DPYD: variants seen among roughly 807,000 people sequenced by gnomAD.
The protein encoded by DPYD is dihydropyrimidine dehydrogenase [NADP(+)].
Under a neutral mutation model 116.2 loss-of-function variants are expected in DPYD, and 109 were observed. The observed-to-expected ratio is 0.94, with a 90% CI of 0.80 to 1.10. The LOEUF (loss-of-function observed/expected upper bound fraction) is 1.10. Ranked by LOEUF, DPYD falls within the 50% of genes least tolerant of loss-of-function variation. The pLI is 0.00. For missense variants in DPYD, 1,302 were observed against 1,254.5 expected, an observed-to-expected ratio of 1.04 and a Z score of -0.57; for synonymous variants, 440 against 432.0, an observed-to-expected ratio of 1.02 and a Z score of -0.23.
chr1:97,851,775 T>G (rs1402976032), intron 2 of DPYD, among the ~76,000 whole-genome samples: 2 of 151,494 alleles, frequency 1.3e-5, no homozygotes, highest in East Asian at 3.9e-4. Flanking sequence ...TTCTATCAAT[T>G]ATAATGCACT....
At chr1:97,594,746 C>G (rs200003721) in intron 9 of DPYD, among the ~76,000 whole-genome samples, 2 of 151,842 alleles carry the variant, frequency 1.3e-5, no homozygotes, top group Non-Finnish European at 2.9e-5. Context: ...ACGATTCATG[C>G]CATTTCTTTG....
intron 18 of DPYD, among the ~76,000 whole-genome samples, chr1:97,250,043 G>T (rs1008248192): frequency 6.6e-6 from 1 of 152,090 alleles, no homozygotes; most frequent in African/African-American, 2.4e-5. Context: ...AGGCCAAGGC[G>T]GGCGGATCAC....
intron 3 of DPYD, among the ~76,000 whole-genome samples, chr1:97,768,638 T>C (rs778314839): frequency 3.7e-4 from 56 of 152,192 alleles, no homozygotes; most frequent in Admixed American, 3.9e-4. Flanking sequence ...AATTCAATTA[T>C]AAAAGCTAAA....
intron 14 of DPYD, among the ~76,000 whole-genome samples, chr1:97,387,039 C>T (rs1403424561): frequency 1.3e-5 from 2 of 151,798 alleles, no homozygotes; most frequent in East Asian, 3.9e-4. Flanking sequence ...AAATAAATAC[C>T]CAATGAAATA....
At chr1:97,229,054 A>G (rs1417848138) in intron 19 of DPYD, among the ~76,000 whole-genome samples, 1 of 151,822 alleles carries the variant, frequency 6.6e-6, no homozygotes, top group Non-Finnish European at 1.5e-5. Flanking sequence ...ACACAAAAAA[A>G]TTAGCCGGGC....
intron 16 of DPYD, among the ~76,000 whole-genome samples, chr1:97,343,518 T>C (rs1669688805): frequency 6.6e-6 from 1 of 152,124 alleles, no homozygotes; most frequent in African/African-American, 2.4e-5. Flanking sequence ...AATATACTTG[T>C]CCTTAACACA....
intron 20 of DPYD, among the ~76,000 whole-genome samples, chr1:97,184,117 T>C (rs1657834050): frequency 6.6e-6 from 1 of 152,170 alleles, no homozygotes; most frequent in South Asian, 2.1e-4. Flanking sequence ...TATGGTTGCA[T>C]AGTATTCCAT....
intron 16 of DPYD, among the ~76,000 whole-genome samples, chr1:97,318,551 A>C (rs1335410015): frequency 8.5e-5 from 13 of 152,070 alleles, no homozygotes; most frequent in African/African-American, 1.9e-4. Context: ...TATTTATGCA[A>C]CCAATACAGG....
intron 20 of DPYD, among the ~76,000 whole-genome samples, chr1:97,186,937 T>C (rs535212908): frequency 6.6e-6 from 1 of 152,236 alleles, no homozygotes; most frequent in East Asian, 1.9e-4. Flanking sequence ...GATTTCATTC[T>C]TTTTTTATGG....
chr1:97,090,446 G>A (rs777079110), intron 21 of DPYD, among the ~76,000 whole-genome samples: 3 of 152,134 alleles, frequency 2.0e-5, no homozygotes, highest in Non-Finnish European at 4.4e-5. Context: ...GATTAAATGA[G>A]CTAATTCGCA....
chr1:97,317,698 G>A (rs1667942920), intron 16 of DPYD, among the ~76,000 whole-genome samples: 1 of 151,922 alleles, frequency 6.6e-6, no homozygotes, highest in South Asian at 2.1e-4. Flanking sequence ...CCAACACAGG[G>A]AGGAAGCTAG....
At position 97,282,978 on chromosome 1, in the gene DPYD, G is replaced by A. The variant is rs1665422132; in HGVS notation, c.2299+22281C>T. ...CAGTCCACTGCTGATGGGCATCTAG[G>A]CTGGTTCCATGTCTTTGCTATTGTG... On this transcript the variant is annotated intron_variant, in intron 18 of 22. Coordinates refer to ENST00000370192, the MANE Select transcript of DPYD (RefSeq NM_000110.4). 2.6e-5 allele frequency among the ~76,000 whole-genome samples: 4 copies of A among 152,110 alleles called. No homozygotes were observed. The South Asian group carries it at 8.3e-4, about 32-fold the overall frequency.
At chr1:97,242,366 C>T (rs576544756) in intron 18 of DPYD, among the ~76,000 whole-genome samples, 12 of 150,732 alleles carry the variant, frequency 8.0e-5, no homozygotes, top group South Asian at 6.3e-4. Context: ...AAAATTGACA[C>T]GCAAATAGCT....
intron 14 of DPYD, among the ~76,000 whole-genome samples, chr1:97,384,422 C>T (rs1428909589): frequency 2.0e-5 from 3 of 151,702 alleles, no homozygotes; most frequent in African/African-American, 7.3e-5. Context: ...GCTGGAGCTG[C>T]TCTGCATTAG....
In DPYD at chr1:97,875,074, A is replaced by G. The variant is rs576125977; in HGVS notation, c.150+8190T>C. Among the ~76,000 whole-genome samples, 6 of 152,094 alleles carry G rather than the reference A, an allele frequency of 3.9e-5. 1 individual carries two copies. In the South Asian group the frequency reaches 1.2e-3, roughly 31 times the overall value. On this transcript the variant is annotated intron_variant, in intron 2 of 22. Transcript: ENST00000370192. ...AATGAAAATCAAATGGCATAAAAATATTAAATGAATGTATGTTATACATTT... is the reference window on the plus strand; with the variant it reads ...AATGAAAATCAAATGGCATAAAAATGTTAAATGAATGTATGTTATACATTT...
chr1:97,797,583 A>C (rs1325646245), intron 3 of DPYD: 1 of 152,114 alleles, frequency 6.6e-6, no homozygotes, highest in African/African-American at 2.4e-5. Flanking sequence ...AGCTGCCAAC[A>C]GCTTAACAAC....
At chr1:97,708,336 G>A (rs893242976) in intron 5 of DPYD, among the ~76,000 whole-genome samples, 1 of 151,996 alleles carries the variant, frequency 6.6e-6, no homozygotes, top group Non-Finnish European at 1.5e-5. Context: ...ATGGGTGTAA[G>A]GTTTGTTTCT....
At chr1:97,453,524 T>A (rs185255693) in intron 13 of DPYD, among the ~76,000 whole-genome samples, 1 of 152,268 alleles carries the variant, frequency 6.6e-6, no homozygotes, top group Admixed American at 6.5e-5. Context: ...TCAGGAATTC[T>A]AAGCTATATG....
chr1:97,637,488 A>G (rs1014722704), intron 8 of DPYD, among the ~76,000 whole-genome samples: 11 of 151,834 alleles, frequency 7.2e-5, no homozygotes, highest in Non-Finnish European at 1.6e-4. Flanking sequence ...AAGAGAGTAC[A>G]GGAAAAGTTT....
Sources: allele counts gnomAD v4.1 joint callset (sites outside exome capture counted in the v4.1 genomes callset), GRCh38; gene constraint gnomAD v4.1.1; transcripts MANE v1.5; gene names NCBI Gene and HGNC (gene_info 2026-07-23, HGNC 2026-07-21).